Variants in SLC9A9 observed in about 807,000 individuals in gnomAD.
The protein encoded by SLC9A9 is sodium/hydrogen exchanger 9.
Under a neutral mutation model 77.8 loss-of-function variants are expected in SLC9A9, and 62 were observed. That is an observed-to-expected ratio of 0.80 (90% CI 0.65 to 0.98). SLC9A9 has a LOEUF of 0.98. SLC9A9 is among the 50% of genes least tolerant of loss of function. The pLI is 0.00. For missense variants in SLC9A9, 775 were observed against 774.9 expected, an observed-to-expected ratio of 1.00 and a Z score of 0.00; for synonymous variants, 320 against 283.5, an observed-to-expected ratio of 1.13 and a Z score of -1.29.
At chr3:143,812,193 G>A (rs964684554) in intron 2 of SLC9A9, among the ~76,000 whole-genome samples, 3 of 152,208 alleles carry the variant, frequency 2.0e-5, no homozygotes, top group African/African-American at 7.2e-5. Flanking sequence ...GGGTAATTTG[G>A]TAATAGCTAT....
intron 6 of SLC9A9, among the ~76,000 whole-genome samples, chr3:143,594,446 A>AGG (rs1335190417): frequency 5.3e-5 from 8 of 149,596 alleles, no homozygotes; most frequent in Non-Finnish European, 1.0e-4. Context: ...CAGAGATAAT[A>AGG]TTATTTACAT....
At chr3:143,663,069 C>G (rs915764935) in intron 5 of SLC9A9, among the ~76,000 whole-genome samples, 1 of 152,166 alleles carries the variant, frequency 6.6e-6, no homozygotes, top group Non-Finnish European at 1.5e-5. Flanking sequence ...CAGCCAGCTG[C>G]CCCTCTGAGA....
intron 12 of SLC9A9, among the ~76,000 whole-genome samples, chr3:143,387,770 T>A (rs113173436): frequency 6.3e-4 from 84 of 133,976 alleles, no homozygotes; most frequent in African/African-American, 2.5e-3. Context: ...GATGCTCTTA[T>A]ACCCAACCAT....
chr3:143,265,987 C>T lies in SLC9A9; in HGVS notation c.*715G>A, dbSNP rs1937700456. On this transcript the variant is annotated 3_prime_UTR_variant, in exon 16 of 16. Coordinates refer to ENST00000316549, the MANE Select transcript of SLC9A9 (RefSeq NM_173653.4). ...CACAACGTGGTATGGGGAGAAGAAACCTGGTTTTCTTGGAATGGTCCTACT... is the reference window on the plus strand; with the variant it reads ...CACAACGTGGTATGGGGAGAAGAAATCTGGTTTTCTTGGAATGGTCCTACT... 1.4e-6 allele frequency: 1 copy of T among 692,792 alleles called. No homozygotes were observed. The highest frequency in any genetic ancestry group is 2.0e-5 in the Admixed American group (1 of 48,824). 42.9% of individuals were successfully genotyped at this position (692,792 alleles called of 1,614,324 possible).
chr3:143,384,827 TC>T (rs11360642), intron 12 of SLC9A9, among the ~76,000 whole-genome samples: 60,317 of 152,028 alleles, frequency 0.4, 12,280 homozygotes, highest in Admixed American at 0.46. Context: ...GTGAACACGG[TC>T]CTTGCCCACA....
intron 12 of SLC9A9, among the ~76,000 whole-genome samples, chr3:143,407,564 G>A (rs1264243181): frequency 6.6e-6 from 1 of 151,960 alleles, no homozygotes; most frequent in Non-Finnish European, 1.5e-5. Context: ...ATGATGTTTT[G>A]TGCAGTTGTT....
rs373398536 is a variant in SLC9A9 at position 143,370,567 on chromosome 3, G to GCGCACACACACACA, written c.1525-7005_1525-7004insTGTGTGTGTGTGCG. On this transcript the variant is annotated intron_variant, in intron 13 of 15. Transcript: ENST00000316549. The stretch of plus-strand genomic sequence containing the variant: ...TGTACACAAGTATATGCATGTGCGC[G>GCGCACACACACACA]CACACACACACACACACACACACAC... Among the ~76,000 whole-genome samples, 152 of 143,416 alleles carry GCGCACACACACACA rather than the reference G, an allele frequency of 1.1e-3. 1 individual carries two copies. Among genetic ancestry groups the GCGCACACACACACA allele is most frequent in the East Asian group, 8.3e-3 (39 of 4,714 alleles). The allele number at this position is 143,416 out of a possible 152,430, so 94.1% of individuals were successfully genotyped here.
rs186813057 is a variant in SLC9A9 at position 143,463,992 on chromosome 3, G to C, written c.1469+3045C>G. ...TACTGTGGTAGTTTGCAGCTGGATGGCAAATTTTATGGGGATTAAAAAAAC... is the reference window on the plus strand; with the variant it reads ...TACTGTGGTAGTTTGCAGCTGGATGCCAAATTTTATGGGGATTAAAAAAAC... On this transcript the variant is annotated intron_variant, in intron 12 of 15. Coordinates refer to ENST00000316549, the MANE Select transcript of SLC9A9 (RefSeq NM_173653.4). Among the ~76,000 whole-genome samples the C allele has an allele frequency of 6.6e-4, 100 of 152,146 alleles. No individual in the cohort carries two copies. In the East Asian group the frequency reaches 0.018, roughly 28 times the overall value.
At chr3:143,781,307 G>A (rs980821942) in intron 4 of SLC9A9, among the ~76,000 whole-genome samples, 2 of 152,168 alleles carry the variant, frequency 1.3e-5, no homozygotes, top group East Asian at 1.9e-4. Flanking sequence ...ATATTCTAAC[G>A]AAAAGTTGGG....
At chr3:143,796,698 G>T in intron 3 of SLC9A9, 128 bp downstream of exon 3, 1 of 646,172 alleles carries the variant, frequency 1.5e-6, no homozygotes, top group Non-Finnish European at 2.7e-6. Context: ...GTTTGAATCT[G>T]CATCACAAAT....
At chr3:143,363,438 C>CT in intron 14 of SLC9A9, 46 bp downstream of exon 14, 1 of 1,561,718 alleles carries the variant, frequency 6.4e-7, no homozygotes, top group Non-Finnish European at 8.8e-7. Flanking sequence ...TAAAGTAATT[C>CT]TCTGCCTGCA....
At chr3:143,623,027 A>C (rs763841370) in intron 6 of SLC9A9, among the ~76,000 whole-genome samples, 7 of 152,224 alleles carry the variant, frequency 4.6e-5, no homozygotes, top group Non-Finnish European at 1.0e-4. Context: ...AGGCCATTAC[A>C]TAATGGTAAA....
At chr3:143,731,012 C>T (rs1036123494) in intron 4 of SLC9A9, among the ~76,000 whole-genome samples, 14 of 152,198 alleles carry the variant, frequency 9.2e-5, no homozygotes, top group African/African-American at 3.4e-4. Context: ...GCTGCAGCAT[C>T]TTGTTCCAGC....
intron 12 of SLC9A9, among the ~76,000 whole-genome samples, chr3:143,405,715 C>T (rs1047775536): frequency 1.3e-5 from 2 of 152,164 alleles, no homozygotes; most frequent in Non-Finnish European, 2.9e-5. Context: ...CAGGGTGAAA[C>T]CAGAGCTCTC....
At chr3:143,460,929 C>T (rs1213359728) in intron 12 of SLC9A9, among the ~76,000 whole-genome samples, 1 of 151,892 alleles carries the variant, frequency 6.6e-6, no homozygotes, top group Non-Finnish European at 1.5e-5. Context: ...GAAAATAGAA[C>T]AAAACTATAA....
chr3:143,804,383 A>G (rs538716727), intron 2 of SLC9A9, among the ~76,000 whole-genome samples: 1 of 152,226 alleles, frequency 6.6e-6, no homozygotes, highest in East Asian at 1.9e-4. Flanking sequence ...TTACTCGTAG[A>G]CACTCAACGT....
chr3:143,679,381 T>C (rs964110343), intron 5 of SLC9A9, among the ~76,000 whole-genome samples: 2 of 152,236 alleles, frequency 1.3e-5, no homozygotes, highest in African/African-American at 4.8e-5. Flanking sequence ...TGATGGATTA[T>C]CAATGTTGCT....
intron 6 of SLC9A9, among the ~76,000 whole-genome samples, chr3:143,596,259 G>A (rs771956961): frequency 1.1e-4 from 16 of 152,184 alleles, no homozygotes; most frequent in Non-Finnish European, 2.2e-4. Context: ...AGATAAAGCA[G>A]ATAATATAAA....
chr3:143,721,028 G>A (rs1489112697), intron 4 of SLC9A9, among the ~76,000 whole-genome samples: 2 of 152,196 alleles, frequency 1.3e-5, no homozygotes, highest in African/African-American at 2.4e-5. Flanking sequence ...AGGCAACATA[G>A]TGAGACCTTG....
Sources: allele counts gnomAD v4.1 joint callset (sites outside exome capture counted in the v4.1 genomes callset), GRCh38; gene constraint gnomAD v4.1.1; transcripts MANE v1.5; gene names NCBI Gene and HGNC (gene_info 2026-07-23, HGNC 2026-07-21).